Variants in SH3PXD2A observed in about 807,000 individuals in gnomAD.
SH3PXD2A encodes SH3 and PX domains 2A.
SH3PXD2A carries 32 observed loss-of-function variants against 115.2 expected under a neutral mutation model. The observed-to-expected ratio is 0.28, with a 90% CI of 0.21 to 0.37. The LOEUF is 0.37. Among genes scored for constraint, SH3PXD2A ranks in the 10% least tolerant of loss-of-function variants. SH3PXD2A has a pLI of 1.00. For missense variants in SH3PXD2A, 1,328 were observed against 1,498.7 expected, an observed-to-expected ratio of 0.89 and a Z score of 1.88; for synonymous variants, 610 against 629.1, an observed-to-expected ratio of 0.97 and a Z score of 0.45.
intron 7 of SH3PXD2A, among the ~76,000 whole-genome samples, chr10:103,667,874 C>T (rs993003950): frequency 5.3e-5 from 8 of 152,220 alleles, no homozygotes; most frequent in Admixed American, 2.0e-4. Context: ...CCCTGCTGTC[C>T]GGGATTCTCT....
chr10:103,816,593 A>G (rs1175474329), intron 1 of SH3PXD2A, among the ~76,000 whole-genome samples: 2 of 152,210 alleles, frequency 1.3e-5, no homozygotes, highest in African/African-American at 2.4e-5. Context: ...AAAACAGTCT[A>G]TCAGCTCCTC....
chr10:103,769,642 G>C (rs756654079), intron 2 of SH3PXD2A, among the ~76,000 whole-genome samples: 9 of 152,022 alleles, frequency 5.9e-5, no homozygotes, highest in Non-Finnish European at 1.3e-4. Context: ...ATGTTGGCCA[G>C]ACTGGTCTCG....
intron 8 of SH3PXD2A, among the ~76,000 whole-genome samples, chr10:103,635,763 G>A (rs2036855573): frequency 1.5e-5 from 2 of 131,486 alleles, no homozygotes; most frequent in African/African-American, 6.3e-5. Context: ...ATGTCTGTGT[G>A]CCAGGGCCCA....
chr10:103,832,951 T>C (rs534237972), intron 1 of SH3PXD2A, among the ~76,000 whole-genome samples: 87 of 152,164 alleles, frequency 5.7e-4, no homozygotes, highest in Non-Finnish European at 1.0e-3. Context: ...ACCTTCAAAT[T>C]ACTAGATATT....
At chr10:103,776,662 C>A (rs983852013) in intron 2 of SH3PXD2A, among the ~76,000 whole-genome samples, 1 of 152,050 alleles carries the variant, frequency 6.6e-6, no homozygotes, top group African/African-American at 2.4e-5. Context: ...GGATGTAAGT[C>A]ATCTATGGCA....
chr10:103,794,178 G>A (rs1272587266), intron 2 of SH3PXD2A, among the ~76,000 whole-genome samples: 1 of 152,166 alleles, frequency 6.6e-6, no homozygotes, highest in Non-Finnish European at 1.5e-5. Flanking sequence ...GTGACCCCAG[G>A]GTGGGGTGCA....
At chr10:103,685,790 A>G (rs1278013079) in intron 6 of SH3PXD2A, among the ~76,000 whole-genome samples, 7 of 152,178 alleles carry the variant, frequency 4.6e-5, no homozygotes, top group Admixed American at 1.3e-4. Context: ...GGGACATGAA[A>G]CTAAGCATTC....
At chr10:103,691,137 G>C (rs1438528173) in intron 6 of SH3PXD2A, among the ~76,000 whole-genome samples, 1 of 152,082 alleles carries the variant, frequency 6.6e-6, no homozygotes, top group Admixed American at 6.6e-5. Flanking sequence ...CTGAGGCCCA[G>C]CATAGAGAAG....
intron 10 of SH3PXD2A, among the ~76,000 whole-genome samples, chr10:103,618,840 G>A (rs2036560495): frequency 6.6e-6 from 1 of 152,194 alleles, no homozygotes; most frequent in South Asian, 2.1e-4. Context: ...GGTGGCCGTG[G>A]GGGTGGGAGG....
At position 103,665,673 on chromosome 10, in the gene SH3PXD2A, C is replaced by T. The variant is rs1031034762; in HGVS notation, c.472+2935G>A. On this transcript the variant is annotated intron_variant, in intron 7 of 14. Coordinates refer to ENST00000369774, the MANE Select transcript of SH3PXD2A (RefSeq NM_001394015.1). The surrounding 1 kb of genome is among the most constrained non-coding windows in gnomAD (Gnocchi z 4.0). ...TGCGAGCAGGTATCCAGATGAGAAACCACTTGCAGGCCAGGCAGGCAGTGG... is the reference window on the plus strand; with the variant it reads ...TGCGAGCAGGTATCCAGATGAGAAATCACTTGCAGGCCAGGCAGGCAGTGG... Among the ~76,000 whole-genome samples the T allele has an allele frequency of 6.6e-6, 1 of 152,212 alleles. No homozygotes were observed. Among genetic ancestry groups the T allele is most frequent in the Non-Finnish European group, 1.5e-5 (1 of 68,030 alleles).
At chr10:103,607,569 A>C (rs1479894713) in intron 13 of SH3PXD2A, among the ~76,000 whole-genome samples, 4 of 150,536 alleles carry the variant, frequency 2.7e-5, no homozygotes, top group Non-Finnish European at 5.9e-5. Flanking sequence ...CCCGTCCGGG[A>C]GGTGAGGGGC....
At position 103,766,101 on chromosome 10, in the gene SH3PXD2A, G is replaced by A. The variant is rs1256467868; in HGVS notation, c.229+993C>T. On this transcript the variant is annotated intron_variant, in intron 3 of 14. Transcript: ENST00000369774. ...AGGAATGCAGGAGAAACGCCTTTCA[G>A]AGAGGAGCCGCTCTCTGAGGGAGGT... is the stretch of plus-strand genomic sequence containing the variant. 3.3e-5 allele frequency among the ~76,000 whole-genome samples: 5 copies of A among 152,264 alleles called. No homozygotes were observed. In the East Asian group the frequency reaches 7.7e-4, roughly 23 times the overall value.
chr10:103,602,291 G>A lies in SH3PXD2A; in HGVS notation c.2927C>T (p.Ala976Val), dbSNP rs373805914. The change falls in exon 15 of 15, where the codon GCG (alanine) becomes GTG (valine). Residue 976 changes from alanine to valine, a missense_variant. By Grantham distance (64) the Ala-to-Val change is moderately conservative. This residue lies in a region of SH3PXD2A where 574 missense variants were observed against 565.7 expected (regional missense o/e 1.01). Coordinates refer to ENST00000369774, the MANE Select transcript of SH3PXD2A (RefSeq NM_001394015.1). ...VKMRNGVRQVAVRPQSVFVSP... is the reference protein window; with the variant it reads ...VKMRNGVRQVVVRPQSVFVSP... ...CACAAACACCGACTGGGGCCTGACC[G>A]CCACCTGCCGCACTCCGTTCCTCAT... The A allele has an allele frequency of 1.5e-5, 25 of 1,613,394 alleles. No homozygotes were observed. Among genetic ancestry groups the A allele is most frequent in the East Asian group, 1.1e-4 (5 of 44,882 alleles).
intron 2 of SH3PXD2A, among the ~76,000 whole-genome samples, chr10:103,778,629 G>A (rs751388113): frequency 6.6e-6 from 1 of 152,226 alleles, no homozygotes; most frequent in Non-Finnish European, 1.5e-5. Context: ...GTGAGCAGGT[G>A]TGCTGGCCTT....
At chr10:103,751,889 C>T (rs11592714) in intron 3 of SH3PXD2A, among the ~76,000 whole-genome samples, 16,073 of 152,262 alleles carry the variant, frequency 0.11, 978 homozygotes, top group Non-Finnish European at 0.12. Flanking sequence ...TCCAGGCCCT[C>T]GTGATCTGTG....
At chr10:103,692,809 G>T (rs2037773163) in intron 6 of SH3PXD2A, among the ~76,000 whole-genome samples, 1 of 152,202 alleles carries the variant, frequency 6.6e-6, no homozygotes, top group African/African-American at 2.4e-5. Context: ...GAGCGAGTCG[G>T]TGGAAGGCGA....
At chr10:103,736,716 T>C (rs1389720006) in intron 3 of SH3PXD2A, 1 of 1,229,202 alleles carries the variant, frequency 8.1e-7, no homozygotes, top group Admixed American at 2.3e-5. Context: ...CACATTCTGC[T>C]GTGAGTTATA....
At chr10:103,610,085 C>G (rs892473030) in intron 13 of SH3PXD2A, 4 of 152,340 alleles carry the variant, frequency 2.6e-5, no homozygotes, top group Non-Finnish European at 4.4e-5. Flanking sequence ...TCCCAGCCTT[C>G]CTCATCCTTC....
At chr10:103,679,788 T>C (rs1459852605) in intron 6 of SH3PXD2A, among the ~76,000 whole-genome samples, 1 of 152,230 alleles carries the variant, frequency 6.6e-6, no homozygotes. Context: ...CTGTCATCAC[T>C]GCTTAGCATA....
Sources: allele counts gnomAD v4.1 joint callset (sites outside exome capture counted in the v4.1 genomes callset), GRCh38; gene constraint gnomAD v4.1.1; regional missense constraint gnomAD v4.1.1; non-coding constraint Gnocchi (gnomAD v3.1); transcripts MANE v1.5; gene names NCBI Gene and HGNC (gene_info 2026-07-23, HGNC 2026-07-21).